EPHA6: variants seen among roughly 807,000 people sequenced by gnomAD.
EPHA6 encodes EPH receptor A6.
EPHA6 carries 50 observed loss-of-function variants against 112.0 expected under a neutral mutation model. The ratio of observed to expected loss-of-function variants is 0.45; its 90% CI spans 0.36 to 0.56. The LOEUF (loss-of-function observed/expected upper bound fraction) is 0.56. EPHA6 is among the 20% of genes least tolerant of loss of function. The pLI is 0.00. For synonymous variants in EPHA6, 529 were observed against 490.7 expected (o/e 1.08, Z -1.03); for missense variants, 1,280 against 1,417.4 (o/e 0.90, Z 1.56).
Position 97,548,900 on chromosome 3 carries a change from G to A in EPHA6, c.2386+16357G>A, listed in dbSNP as rs114510265. On this transcript the variant is annotated intron_variant, in intron 11 of 17. Transcript: ENST00000389672. ...TCAATGGTGGATTGCACATACGAAG[G>A]TGAAGCCATCGGATTATAATGGAGC... is the stretch of plus-strand genomic sequence containing the variant. 7.0e-3 allele frequency among the ~76,000 whole-genome samples: 1,063 copies of A among 152,284 alleles called. 5 individuals are homozygous for A. The highest frequency in any genetic ancestry group is 0.024 in the African/African-American group (977 of 41,562).
chr3:97,365,336 T>A (rs2084653567), intron 5 of EPHA6, among the ~76,000 whole-genome samples: 1 of 152,136 alleles, frequency 6.6e-6, no homozygotes, highest in Admixed American at 6.6e-5. Context: ...TTCCAAATAC[T>A]ACCCTACAGA....
At chr3:96,826,822 TG>T (rs1199258404) in intron 1 of EPHA6, among the ~76,000 whole-genome samples, 4 of 152,150 alleles carry the variant, frequency 2.6e-5, no homozygotes, top group Non-Finnish European at 5.9e-5. Context: ...GATTTGCTTC[TG>T]AAGACTCATG....
chr3:97,730,355 A>G (rs947589903), intron 15 of EPHA6, among the ~76,000 whole-genome samples: 1 of 152,118 alleles, frequency 6.6e-6, no homozygotes, highest in Non-Finnish European at 1.5e-5. Context: ...TCTATTTAGA[A>G]TAAGCAGCCA....
At chr3:97,190,878 T>C (rs1171544532) in intron 3 of EPHA6, among the ~76,000 whole-genome samples, 3 of 151,996 alleles carry the variant, frequency 2.0e-5, no homozygotes, top group Non-Finnish European at 4.4e-5. Context: ...AAAAAAAAAG[T>C]CTATTAGCAA....
At chr3:97,264,822 C>T (rs2079618643) in intron 5 of EPHA6, among the ~76,000 whole-genome samples, 1 of 152,118 alleles carries the variant, frequency 6.6e-6, no homozygotes, top group Non-Finnish European at 1.5e-5. Flanking sequence ...TAGCCAGGTG[C>T]CCCTGTCCTA....
At chr3:97,588,191 T>C (rs2093508986) in intron 11 of EPHA6, among the ~76,000 whole-genome samples, 2 of 152,190 alleles carry the variant, frequency 1.3e-5, no homozygotes, top group African/African-American at 4.8e-5. Flanking sequence ...CCATCTTCCA[T>C]GCACTCTGTT....
intron 2 of EPHA6, among the ~76,000 whole-genome samples, chr3:96,939,103 G>A (rs1208287781): frequency 6.6e-6 from 1 of 152,154 alleles, no homozygotes; most frequent in East Asian, 1.9e-4. Context: ...TTTGGTATCA[G>A]GATGATGCTG....
At chr3:97,601,501 A>G (rs2093643107) in intron 12 of EPHA6, among the ~76,000 whole-genome samples, 1 of 152,234 alleles carries the variant, frequency 6.6e-6, no homozygotes, top group Middle Eastern at 3.4e-3. Context: ...GCTGTAAAAC[A>G]TGTGTTGGCT....
intron 3 of EPHA6, among the ~76,000 whole-genome samples, chr3:97,026,922 G>A (rs1032089099): frequency 4.6e-5 from 7 of 152,046 alleles, no homozygotes; most frequent in Admixed American, 6.6e-5. Flanking sequence ...ATTCAACCCA[G>A]TAATCTCATT....
intron 14 of EPHA6, among the ~76,000 whole-genome samples, chr3:97,695,826 A>G (rs1367663891): frequency 6.6e-6 from 1 of 152,238 alleles, no homozygotes; most frequent in Non-Finnish European, 1.5e-5. Context: ...GGCATGAGCC[A>G]TCATGCCCAG....
intron 3 of EPHA6, among the ~76,000 whole-genome samples, chr3:97,206,699 T>A (rs2108506830): frequency 6.6e-6 from 1 of 152,226 alleles, no homozygotes. Context: ...TAATATTATC[T>A]TATAAGTTGA....
intron 10 of EPHA6, among the ~76,000 whole-genome samples, chr3:97,502,773 G>A (rs1269194794): frequency 7.6e-6 from 1 of 130,798 alleles, no homozygotes; most frequent in African/African-American, 2.8e-5. Flanking sequence ...GGTGGAGGTT[G>A]CAGTGAGCCG....
At chr3:96,815,861 C>G (rs557782669) in intron 1 of EPHA6, among the ~76,000 whole-genome samples, 1 of 152,290 alleles carries the variant, frequency 6.6e-6, no homozygotes, top group African/African-American at 2.4e-5. Context: ...CCTGCATATT[C>G]TAAGTCCTTT....
intron 14 of EPHA6, among the ~76,000 whole-genome samples, chr3:97,704,374 G>T (rs185869537): frequency 3.9e-5 from 6 of 152,292 alleles, no homozygotes; most frequent in Admixed American, 1.3e-4. Flanking sequence ...GAGGAACGGT[G>T]AATTCTCTTT....
At chr3:97,087,125 A>C (rs1306446450) in intron 3 of EPHA6, among the ~76,000 whole-genome samples, 1 of 152,176 alleles carries the variant, frequency 6.6e-6, no homozygotes, top group African/African-American at 2.4e-5. Context: ...ATGGGAAGGA[A>C]AAGACACAGA....
intron 13 of EPHA6, among the ~76,000 whole-genome samples, chr3:97,632,244 A>G (rs1260505983): frequency 6.6e-6 from 1 of 152,068 alleles, no homozygotes; most frequent in Non-Finnish European, 1.5e-5. Flanking sequence ...TAAGAGAAAA[A>G]TAAATGAATT....
chr3:96,878,659 C>T (rs6438812), intron 2 of EPHA6, among the ~76,000 whole-genome samples: 144,329 of 152,110 alleles, frequency 0.95, 68,508 homozygotes, highest in East Asian at 1. Flanking sequence ...TATTATCACA[C>T]AGCCCCCAGC....
intron 2 of EPHA6, among the ~76,000 whole-genome samples, chr3:96,983,281 G>T (rs1353446811): frequency 6.6e-6 from 1 of 152,156 alleles, no homozygotes; most frequent in Non-Finnish European, 1.5e-5. Flanking sequence ...TTGTTTGTCT[G>T]TAAAGTATTT....
rs569422014 is a variant in EPHA6 at position 97,236,478 on chromosome 3, G to A, written c.1271-7474G>A. On this transcript the variant is annotated intron_variant, in intron 4 of 17. Transcript: ENST00000389672. ...ATTAAACAGGTGCTGGAAGATTAAC[G>A]CATTTAACAAACATTTACGTTGCCT... Among the ~76,000 whole-genome samples, 44 of 152,096 alleles carry A rather than the reference G, an allele frequency of 2.9e-4. No homozygotes were observed. The South Asian group carries it at 4.6e-3, about 16-fold the overall frequency.
Sources: gnomAD v4.1 joint callset for allele counts (sites outside exome capture counted in the v4.1 genomes callset) on GRCh38, gnomAD v4.1.1 for gene constraint, MANE v1.5 for transcripts, NCBI Gene and HGNC (gene_info 2026-07-23, HGNC 2026-07-21) for gene names.